RRM2B: variants seen among roughly 807,000 people sequenced by gnomAD.
RRM2B encodes ribonucleotide reductase regulatory TP53 inducible subunit M2B.
RRM2B carries 20 observed loss-of-function variants against 45.9 expected under a neutral mutation model. The ratio of observed to expected loss-of-function variants is 0.44; its 90% confidence interval spans 0.31 to 0.63. RRM2B has a LOEUF of 0.63. RRM2B is among the 30% of genes least tolerant of loss of function. RRM2B has a pLI of 0.09. For synonymous variants in RRM2B, 124 were observed against 132.3 expected (o/e 0.94, Z 0.43); for missense variants, 320 against 414.7 (o/e 0.77, Z 1.98).
rs746342940 is a variant in RRM2B at position 102,224,177 on chromosome 8, C to T, written c.456-37G>A. 6 of 1,330,234 alleles carry T rather than the reference C, an allele frequency of 4.5e-6. No individual in the cohort carries two copies. The Admixed American group carries it at 6.8e-5, about 15-fold the overall frequency. The allele number at this position is 1,330,234 out of a possible 1,614,324, so 82.4% of individuals were successfully genotyped here. On this transcript the variant is annotated intron_variant, in intron 4 of 8. Coordinates refer to ENST00000251810, the MANE Select transcript of RRM2B (RefSeq NM_015713.5). ...AAAGAATGAACAGCAAAGTTATTCA[C>T]TTGTTTTTCTTTTTTTTTTTTTGAG...
intron 1 of RRM2B, among the ~76,000 whole-genome samples, chr8:102,237,512 T>C (rs546841620): frequency 1.3e-5 from 2 of 152,348 alleles, no homozygotes; most frequent in Admixed American, 6.5e-5. Flanking sequence ...AGGTCTCCTA[T>C]TATGCACTCT....
In RRM2B at chr8:102,238,926, C is replaced by T. The variant is rs768944036; in HGVS notation, c.-52G>A. On this transcript the variant is annotated 5_prime_UTR_variant, in exon 1 of 9. Transcript: ENST00000251810. ...CGCTGAGGGAACTGAGCTCCTCAGG[C>T]CACCTCCAACTACGACAGCACCCAG... The T allele has an allele frequency of 1.3e-6, 2 of 1,582,616 alleles. No homozygotes were observed. Among genetic ancestry groups the T allele is most frequent in the Admixed American group, 1.7e-5 (1 of 59,686 alleles).
chr8:102,215,718 G>T (rs1028851766), intron 6 of RRM2B, among the ~76,000 whole-genome samples: 3 of 152,038 alleles, frequency 2.0e-5, no homozygotes, highest in Admixed American at 1.3e-4. Flanking sequence ...GGCCAAGTTG[G>T]GAAATCACTT....
At chr8:102,212,372 A>C (rs1410991307) in intron 8 of RRM2B, among the ~76,000 whole-genome samples, 1 of 152,222 alleles carries the variant, frequency 6.6e-6, no homozygotes, top group African/African-American at 2.4e-5. Flanking sequence ...CTGTTCAAAG[A>C]GTTATATTGT....
Position 102,226,006 on chromosome 8 carries a change from C to A in RRM2B, c.233G>T (p.Trp78Leu). Residue 78 changes from tryptophan (W) to leucine (L), a missense_variant, in exon 3 of 9, where the codon TGG becomes TTG. This residue lies in a region of RRM2B where 225 missense variants were observed against 289.4 expected (regional missense o/e 0.78). Coordinates refer to ENST00000251810, the MANE Select transcript of RRM2B (RefSeq NM_015713.5). ...CTTCTCATCTGCTTTAAGCTTGTTC[C>A]AGTGAGGGAGATCCTTTGATAAGTC... ...EVDLSKDLPHWNKLKADEKYF... is the reference protein window; with the variant it reads ...EVDLSKDLPHLNKLKADEKYF... 6.2e-7 allele frequency: 1 copy of A among 1,611,476 alleles called. No homozygotes were observed. The highest frequency in any genetic ancestry group is 8.5e-7 in the Non-Finnish European group (1 of 1,177,842).
rs28928571 is a variant in RRM2B at position 102,225,306 on chromosome 8, T to C, written c.322-288A>G. Among the ~76,000 whole-genome samples the C allele has an allele frequency of 0.068, 9,905 of 146,708 alleles. 337 individuals carry two copies. The highest frequency in any genetic ancestry group is 0.14 in the Middle Eastern group (39 of 282). On this transcript the variant is annotated intron_variant, in intron 3 of 8. Coordinates refer to ENST00000251810, the MANE Select transcript of RRM2B (RefSeq NM_015713.5). ...TGGAGTACAGTGGCGCCATCTTGGCTCACTGCAACCTCTGCCTCCCAGGTT... is the reference window on the plus strand; with the variant it reads ...TGGAGTACAGTGGCGCCATCTTGGCCCACTGCAACCTCTGCCTCCCAGGTT...
At chr8:102,215,064 A>G (rs1032024268) in intron 6 of RRM2B, among the ~76,000 whole-genome samples, 10 of 150,118 alleles carry the variant, frequency 6.7e-5, no homozygotes, top group South Asian at 2.1e-4. Context: ...AAAAAAAAAA[A>G]AAAAGAAAAT....
intron 1 of RRM2B, among the ~76,000 whole-genome samples, chr8:102,234,551 T>G (rs1403879232): frequency 2.7e-5 from 4 of 149,860 alleles, no homozygotes; most frequent in African/African-American, 9.8e-5. Flanking sequence ...AAAAAAAAAA[T>G]GTGAAAAAAG....
intron 5 of RRM2B, 24 bp downstream of exon 5, chr8:102,224,022 C>A: frequency 6.6e-7 from 1 of 1,509,664 alleles, no homozygotes; most frequent in East Asian, 2.3e-5. Context: ...CAAATCTGAT[C>A]ATACATAAAT....
intron 6 of RRM2B, among the ~76,000 whole-genome samples, chr8:102,218,496 T>C (rs1810770809): frequency 6.6e-6 from 1 of 152,046 alleles, no homozygotes; most frequent in South Asian, 2.1e-4. Context: ...GGCAGGCAGA[T>C]CGCTTGAGGC....
At chr8:102,208,376 TC>T in intron 8 of RRM2B, 91 bp from the exon 9 acceptor site, 3 of 924,432 alleles carry the variant, frequency 3.2e-6, no homozygotes, top group Non-Finnish European at 5.1e-6. Context: ...AGGTCAGGTT[TC>T]TCAAAACCTA....
intron 6 of RRM2B, among the ~76,000 whole-genome samples, chr8:102,217,804 T>C (rs1411933519): frequency 6.7e-6 from 1 of 149,404 alleles, no homozygotes; most frequent in African/African-American, 2.5e-5. Context: ...ATGTCTCTTC[T>C]GAGAAGGTAA....
chr8:102,237,143 T>C (rs1464165017), intron 1 of RRM2B, among the ~76,000 whole-genome samples: 2 of 152,250 alleles, frequency 1.3e-5, no homozygotes, highest in Non-Finnish European at 2.9e-5. Flanking sequence ...TACTGAGTCC[T>C]GGGCATGCCA....
intron 2 of RRM2B, among the ~76,000 whole-genome samples, chr8:102,228,097 T>C (rs538098725): frequency 6.6e-6 from 1 of 152,082 alleles, no homozygotes; most frequent in African/African-American, 2.4e-5. Context: ...AAACCACCCA[T>C]GGCCCCACTC....
intron 1 of RRM2B, among the ~76,000 whole-genome samples, chr8:102,234,156 C>T (rs1287501632): frequency 2.6e-5 from 4 of 152,196 alleles, no homozygotes; most frequent in African/African-American, 9.6e-5. Flanking sequence ...CACAAGCAGT[C>T]ACTCTTCAGC....
chr8:102,224,880 A>G lies in RRM2B; in HGVS notation c.455+5T>C. ...AATATTTTGTAAATAAAATCCCAAC[A>G]ATACCTTTTCTTGGGATCTCTGATG... On this transcript the variant is annotated splice_donor_5th_base_variant and intron_variant, in intron 4 of 8. Transcript: ENST00000251810. The G allele has an allele frequency of 1.9e-6, 3 of 1,613,524 alleles. No homozygotes were observed. Among genetic ancestry groups the G allele is most frequent in the Non-Finnish European group, 2.5e-6 (3 of 1,179,480 alleles).
chr8:102,236,786 C>G (rs565938024), intron 1 of RRM2B, among the ~76,000 whole-genome samples: 1 of 152,268 alleles, frequency 6.6e-6, no homozygotes, highest in African/African-American at 2.4e-5. Context: ...GCTGTTTTTT[C>G]CAGAATGGTA....
chr8:102,227,042 C>T (rs951171324), intron 2 of RRM2B, among the ~76,000 whole-genome samples: 1 of 151,616 alleles, frequency 6.6e-6, no homozygotes, highest in African/African-American at 2.4e-5. Flanking sequence ...GAGATGGGGT[C>T]TCACTATGTT....
chr8:102,213,978 CT>C, intron 7 of RRM2B, 75 bp downstream of exon 7: 1 of 1,011,768 alleles, frequency 9.9e-7, no homozygotes, highest in Non-Finnish European at 1.6e-6. Flanking sequence ...TACAGAATTT[CT>C]TATGAGTCAA....
Sources: gnomAD v4.1 joint callset for allele counts (sites outside exome capture counted in the v4.1 genomes callset) on GRCh38, gnomAD v4.1.1 for gene constraint, gnomAD v4.1.1 regional missense constraint, MANE v1.5 for transcripts, NCBI Gene and HGNC (gene_info 2026-07-23, HGNC 2026-07-21) for gene names.